ZFR2: variants seen among roughly 807,000 people sequenced by gnomAD.
ZFR2 encodes zinc finger RNA binding protein 2, also known as zinc finger RNA-binding protein 2.
ZFR2 carries 104 observed loss-of-function variants against 105.7 expected under a neutral mutation model. The ratio of observed to expected loss-of-function variants is 0.98; its 90% CI spans 0.84 to 1.16. ZFR2 has a LOEUF of 1.16. ZFR2 is among the 50% of genes most tolerant of loss of function. The pLI is 0.00. For missense variants in ZFR2, 1,425 were observed against 1,355.5 expected (o/e 1.05, Z -0.80); for synonymous variants, 634 against 597.7 (o/e 1.06, Z -0.89).
chr19:3,807,961 G>GTGTGTGCCCGTGCGTGCT (rs1277780168), intron 17 of ZFR2, among the ~76,000 whole-genome samples: 1 of 146,912 alleles, frequency 6.8e-6, no homozygotes, highest in East Asian at 2.1e-4. Flanking sequence ...ACTCATGTCT[G>GTGTGTGCCCGTGCGTGCT]TGTGTGCCCG....
chr19:3,807,230 G>A lies in ZFR2; in HGVS notation c.2585C>T (p.Thr862Ile). The A allele has an allele frequency of 1.3e-6, 2 of 1,562,184 alleles. No homozygotes were observed. The highest frequency in any genetic ancestry group is 1.7e-6 in the Non-Finnish European group (2 of 1,152,476). Residue 862 changes from threonine to isoleucine, a missense_variant, in exon 18 of 19, where the codon ACA becomes ATA. Coordinates refer to ENST00000262961, the MANE Select transcript of ZFR2 (RefSeq NM_015174.2). ...GAGGGTCATGGGCTCGAGGGCATCT[G>A]TCTGGTCTCTCTCGCAGGGATCCTG... ...GLQDPCERDQ[T>I]DALEPMTLQE... is the part of the protein sequence containing the mutation.
intron 6 of ZFR2, among the ~76,000 whole-genome samples, 164 bp from the exon 7 acceptor site, chr19:3,825,571 T>G (rs2037940481): frequency 6.6e-6 from 1 of 152,122 alleles, no homozygotes. Flanking sequence ...TAACACCCAC[T>G]CCAGAAGGCC....
Position 3,834,860 on chromosome 19 carries a change from T to G in ZFR2, c.177A>C (p.Gly59=), listed in dbSNP as rs750403116. The G allele has an allele frequency of 1.9e-6, 3 of 1,611,896 alleles. No individual in the cohort carries two copies. Among genetic ancestry groups the G allele is most frequent in the Admixed American group, 1.7e-5 (1 of 59,792 alleles). The change falls in exon 2 of 19, where the codon GGA becomes GGC. Residue 59 remains glycine (G), a synonymous_variant. Coordinates refer to ENST00000262961, the MANE Select transcript of ZFR2 (RefSeq NM_015174.2). This position sits in a 1 kb window ranked among gnomAD's most constrained non-coding sequence, Gnocchi z 5.3. ...AGTCCTGGCCGGAGTGGGGCTGGTA[T>G]CCACCGTACCCTGCCGGGGCAGCTG... ...FPPAAPAGYG[G]YQPHSGQDFA... is the part of the protein sequence containing the mutation.
intron 1 of ZFR2, among the ~76,000 whole-genome samples, chr19:3,845,388 G>A (rs768384761): frequency 2.6e-4 from 39 of 151,760 alleles, no homozygotes; most frequent in Non-Finnish European, 4.6e-4. Context: ...TTGGGAGGCC[G>A]AGGCAGGAAG....
chr19:3,842,366 G>C (rs760433378), intron 1 of ZFR2, among the ~76,000 whole-genome samples: 3 of 152,052 alleles, frequency 2.0e-5, no homozygotes, highest in African/African-American at 4.8e-5. Context: ...ATTGCACATT[G>C]ATGTTTGGAA....
chr19:3,845,551 G>A (rs1247919254), intron 1 of ZFR2, among the ~76,000 whole-genome samples: 3 of 151,852 alleles, frequency 2.0e-5, no homozygotes, highest in Non-Finnish European at 4.4e-5. Flanking sequence ...CAGCACTTTG[G>A]GAGGCTGAGG....
chr19:3,825,282 C>G lies in ZFR2; in HGVS notation c.1161G>C (p.Ser387=). The change falls in exon 7 of 19, where the codon TCG becomes TCC. Residue 387 remains serine, a synonymous_variant. Coordinates refer to ENST00000262961, the MANE Select transcript of ZFR2 (RefSeq NM_015174.2). The stretch of plus-strand genomic sequence containing the variant: ...GTCTCTTGGCCAGCGCTGGCCTGCT[C>G]GAGGCACACACGCTGGGGCCAGTGG... The part of the protein sequence containing the change: ...TSPTGPSVCA[S]SRPALAKRPV... 1 of 1,575,504 alleles carries G rather than the reference C, an allele frequency of 6.3e-7. No homozygotes were observed. The highest frequency in any genetic ancestry group is 8.6e-7 in the Non-Finnish European group (1 of 1,167,458).
At position 3,823,234 on chromosome 19, in the gene ZFR2, G is replaced by T. The variant is rs1293762442; in HGVS notation, c.1371+12C>A. On this transcript the variant is annotated intron_variant, in intron 8 of 18. Transcript: ENST00000262961. The surrounding 1 kb of genome is among the most constrained non-coding windows in gnomAD (Gnocchi z 5.4). ...CTGACCGGGGCACCAGGACTTGACA[G>T]CCTCGACTTACCTCCTCCACATATT... 1 of 1,613,872 alleles carries T rather than the reference G, an allele frequency of 6.2e-7. No individual in the cohort carries two copies. Among genetic ancestry groups the T allele is most frequent in the Admixed American group, 1.7e-5 (1 of 60,024 alleles).
At chr19:3,857,505 G>A (rs1232677360) in intron 1 of ZFR2, among the ~76,000 whole-genome samples, 1 of 142,954 alleles carries the variant, frequency 7.0e-6, no homozygotes, top group Non-Finnish European at 1.5e-5. Context: ...AGCAGTTCGA[G>A]ACCAGCCTGG....
Position 3,831,337 on chromosome 19 carries a change from C to A in ZFR2, c.818G>T (p.Cys273Phe). 2 of 1,557,390 alleles carry A rather than the reference C, an allele frequency of 1.3e-6. No individual in the cohort carries two copies. Among genetic ancestry groups the A allele is most frequent in the Non-Finnish European group, 1.7e-6 (2 of 1,152,880 alleles). Residue 273 changes from cysteine to phenylalanine, a missense_variant, in exon 5 of 19, where the codon TGC becomes TTC. Physicochemically the swap from Cys to Phe is radical, Grantham distance 205 (BLOSUM62 -2). Transcript: ENST00000262961. Reference sequence around the variant, plus strand: ...AGCGCAGCTGATCTTGCAGATGTCGCAGTAGTGAAGCTGGAGCTGCCTGGG... The same window carrying A: ...AGCGCAGCTGATCTTGCAGATGTCGAAGTAGTGAAGCTGGAGCTGCCTGGG... ...AGPRQLQLHY[C>F]DICKISCAGP...
chr19:3,831,226 C>A, intron 5 of ZFR2, 77 bp downstream of exon 5: 1 of 1,431,780 alleles, frequency 7.0e-7, no homozygotes, highest in Non-Finnish European at 9.1e-7. Flanking sequence ...GACCACCCCA[C>A]CGGCGCCCAC....
chr19:3,832,844 G>A (rs2038034079), intron 3 of ZFR2, among the ~76,000 whole-genome samples: 1 of 151,636 alleles, frequency 6.6e-6, no homozygotes, highest in Admixed American at 6.6e-5. Context: ...TTACTATGTT[G>A]CCCAGGCTGG....
chr19:3,811,003 C>A (rs2145133388), intron 15 of ZFR2, among the ~76,000 whole-genome samples, 158 bp from the exon 16 acceptor site: 1 of 152,320 alleles, frequency 6.6e-6, no homozygotes, highest in Admixed American at 6.5e-5. Context: ...CCACATGAGC[C>A]CGGTGCCACC....
chr19:3,821,104 G>A (rs905652265), intron 10 of ZFR2, among the ~76,000 whole-genome samples: 4 of 152,072 alleles, frequency 2.6e-5, no homozygotes, highest in African/African-American at 9.7e-5. Flanking sequence ...CTGCGTCTAC[G>A]GAGGCCCTGG....
chr19:3,814,761 C>T (rs1019344379), intron 13 of ZFR2, among the ~76,000 whole-genome samples: 2 of 152,204 alleles, frequency 1.3e-5, no homozygotes, highest in East Asian at 1.9e-4. Flanking sequence ...GAAGTCAGAG[C>T]ATGTCACTCC....
intron 1 of ZFR2, among the ~76,000 whole-genome samples, chr19:3,851,079 C>T (rs778178812): frequency 1.8e-4 from 28 of 152,108 alleles, no homozygotes; most frequent in Admixed American, 7.9e-4. Context: ...GGAAAAAATA[C>T]ATTTTGTTTA....
intron 1 of ZFR2, among the ~76,000 whole-genome samples, chr19:3,853,169 G>C (rs1026019298): frequency 6.6e-6 from 1 of 152,164 alleles, no homozygotes; most frequent in African/African-American, 2.4e-5. Flanking sequence ...TGGGGACTAG[G>C]GATTAGAGCC....
intron 13 of ZFR2, 149 bp from the exon 14 acceptor site, chr19:3,814,107 G>C: frequency 8.4e-7 from 1 of 1,184,846 alleles, no homozygotes; most frequent in Non-Finnish European, 1.2e-6. Context: ...CCTGTGTCTG[G>C]AACCTCCAAG....
At chr19:3,810,346 G>T (rs1051729237) in intron 16 of ZFR2, among the ~76,000 whole-genome samples, 1 of 152,222 alleles carries the variant, frequency 6.6e-6, no homozygotes, top group African/African-American at 2.4e-5. Flanking sequence ...GGGCTGGGGG[G>T]TGGTGTTTGA....
Sources: gnomAD v4.1 joint callset for allele counts (sites outside exome capture counted in the v4.1 genomes callset) on GRCh38, gnomAD v4.1.1 for gene constraint, Gnocchi (gnomAD v3.1) non-coding constraint, MANE v1.5 for transcripts, NCBI Gene and HGNC (gene_info 2026-07-23, HGNC 2026-07-21) for gene names.